FAT3: variants seen among roughly 807,000 people sequenced by gnomAD.
FAT3 encodes FAT atypical cadherin 3, also known as protocadherin Fat 3.
A neutral mutation model predicts 310.2 loss-of-function variants in FAT3; 95 were observed. The observed-to-expected ratio is 0.31, with a 90% CI of 0.26 to 0.36. The LOEUF is 0.36. Among genes scored for constraint, FAT3 ranks in the 10% least tolerant of loss-of-function variants. FAT3 has a pLI of 1.00. For missense variants in FAT3, 5,408 were observed against 5,715.6 expected (o/e 0.95, Z 1.74); for synonymous variants, 2,314 against 2,192.9 (o/e 1.06, Z -1.54).
chr11:92,265,021 A>T (rs1380557448), intron 1 of FAT3, among the ~76,000 whole-genome samples: 1 of 152,004 alleles, frequency 6.6e-6, no homozygotes, highest in African/African-American at 2.4e-5. Context: ...CAGTAAAGGA[A>T]AAAAAAGGTT....
chr11:92,869,211 C>T (rs759537883), intron 22 of FAT3, among the ~76,000 whole-genome samples: 1 of 152,260 alleles, frequency 6.6e-6, no homozygotes, highest in Non-Finnish European at 1.5e-5. Flanking sequence ...CAGTTCCCTT[C>T]TCACAGGCCT....
At chr11:92,570,287 C>T (rs568983761) in intron 3 of FAT3, among the ~76,000 whole-genome samples, 5 of 152,300 alleles carry the variant, frequency 3.3e-5, no homozygotes, top group African/African-American at 1.2e-4. Context: ...TTCTTGAAGA[C>T]AAGCCAGTCC....
At chr11:92,605,230 T>C (rs1400729641) in intron 3 of FAT3, among the ~76,000 whole-genome samples, 1 of 152,188 alleles carries the variant, frequency 6.6e-6, no homozygotes, top group Non-Finnish European at 1.5e-5. Context: ...ATCCTTATTG[T>C]CTCTTGTGCA....
intron 7 of FAT3, among the ~76,000 whole-genome samples, chr11:92,781,352 C>A (rs1448886989): frequency 6.6e-6 from 1 of 151,802 alleles, no homozygotes; most frequent in African/African-American, 2.4e-5. Context: ...CACCGAGCCA[C>A]CGCGCCCGGC....
intron 7 of FAT3, among the ~76,000 whole-genome samples, chr11:92,787,787 C>G (rs1023970983): frequency 1.3e-5 from 2 of 151,338 alleles, no homozygotes; most frequent in Admixed American, 1.3e-4. Context: ...TGGAATTATT[C>G]TGAGATTTTT....
intron 2 of FAT3, among the ~76,000 whole-genome samples, chr11:92,422,661 T>C (rs1950555564): frequency 6.6e-6 from 1 of 151,994 alleles, no homozygotes; most frequent in African/African-American, 2.4e-5. Flanking sequence ...AAATGTTGTG[T>C]TGGGTGTAGA....
intron 2 of FAT3, among the ~76,000 whole-genome samples, chr11:92,372,353 C>A (rs1393775626): frequency 6.6e-6 from 1 of 150,988 alleles, no homozygotes; most frequent in Non-Finnish European, 1.5e-5. Flanking sequence ...GTCTGTGGTA[C>A]AGGTTGGCCT....
At chr11:92,290,010 C>T (rs967868553) in intron 1 of FAT3, among the ~76,000 whole-genome samples, 1 of 152,010 alleles carries the variant, frequency 6.6e-6, no homozygotes, top group Non-Finnish European at 1.5e-5. Flanking sequence ...ACACACTGTC[C>T]CCTCTTGTTC....
chr11:92,855,086 C>T (rs961562671), intron 19 of FAT3, among the ~76,000 whole-genome samples: 1 of 152,172 alleles, frequency 6.6e-6, no homozygotes, highest in Non-Finnish European at 1.5e-5. Flanking sequence ...GCATTGGGCT[C>T]AATTTGCATT....
chr11:92,711,723 T>C (rs184443015), intron 4 of FAT3, among the ~76,000 whole-genome samples: 46 of 152,358 alleles, frequency 3.0e-4, no homozygotes, highest in Admixed American at 2.4e-3. Context: ...GAGTACTGCA[T>C]ATTAATTCAT....
chr11:92,880,286 G>A (rs188173804), intron 22 of FAT3, among the ~76,000 whole-genome samples: 3 of 148,100 alleles, frequency 2.0e-5, no homozygotes, highest in Admixed American at 6.8e-5. Context: ...CTCTCTGGGT[G>A]GGATTTCAGT....
Position 92,854,574 on chromosome 11 carries a change from G to A in FAT3, c.11366-2640G>A, listed in dbSNP as rs143231426. ...GGTAAAAGAAAGGGCCAAAACATGT[G>A]AATAAAAGGTAGAAGTACCCAAACG... is the stretch of plus-strand genomic sequence containing the variant. On this transcript the variant is annotated intron_variant, in intron 19 of 27. Transcript: ENST00000525166. Among the ~76,000 whole-genome samples the A allele has an allele frequency of 3.5e-3, 530 of 152,364 alleles. 2 individuals carry two copies. Among genetic ancestry groups the A allele is most frequent in the African/African-American group, 0.012 (508 of 41,592 alleles).
intron 3 of FAT3, among the ~76,000 whole-genome samples, chr11:92,540,660 G>A (rs951522186): frequency 6.6e-6 from 1 of 152,126 alleles, no homozygotes; most frequent in Non-Finnish European, 1.5e-5. Context: ...TAGTGTTCAT[G>A]CAAGTTGTTC....
At chr11:92,339,889 G>A (rs187582092) in intron 1 of FAT3, among the ~76,000 whole-genome samples, 10 of 152,204 alleles carry the variant, frequency 6.6e-5, no homozygotes, top group African/African-American at 2.4e-4. Flanking sequence ...CAAGATGGGC[G>A]ATCACGAGGT....
intron 1 of FAT3, among the ~76,000 whole-genome samples, chr11:92,341,463 G>A (rs1388409387): frequency 6.6e-6 from 1 of 152,126 alleles, no homozygotes; most frequent in Non-Finnish European, 1.5e-5. Context: ...ACCTTAATGG[G>A]GAATACGGGA....
rs80046666 is a variant in FAT3, at chr11:92,800,088, C to G, written c.7075C>G (p.His2359Asp). Residue 2359 changes from histidine (H) to aspartate (D), a missense_variant, in exon 10 of 28, where the codon CAC (histidine) becomes GAC (aspartate). By Grantham distance (81) the His-to-Asp change is moderately conservative. Coordinates refer to ENST00000525166, the MANE Select transcript of FAT3 (RefSeq NM_001367949.2). ...ARMLDHELVQ[H>D]CTLKVRSIDS... ...AATGCTGGACCATGAGTTAGTACAA[C>G]ACTGCACTTTGAAAGTCAGATCAAT... The G allele has an allele frequency of 6.8e-6, 11 of 1,613,976 alleles. No individual in the cohort carries two copies. The highest frequency in any genetic ancestry group is 9.3e-6 in the Non-Finnish European group (11 of 1,179,876).
intron 3 of FAT3, among the ~76,000 whole-genome samples, chr11:92,644,581 T>G (rs1470629897): frequency 6.6e-6 from 1 of 152,204 alleles, no homozygotes; most frequent in African/African-American, 2.4e-5. Context: ...GAGATAGACT[T>G]TTATGAATTT....
At chr11:92,245,172 T>C (rs544094831) in intron 1 of FAT3, among the ~76,000 whole-genome samples, 10 of 152,154 alleles carry the variant, frequency 6.6e-5, no homozygotes, top group Admixed American at 6.5e-4. Context: ...AAAAAAAGGA[T>C]GAGTTCATGT....
intron 1 of FAT3, among the ~76,000 whole-genome samples, chr11:92,309,408 ACACACACACAC>A (rs1947233731): frequency 6.8e-6 from 1 of 147,442 alleles, no homozygotes; most frequent in African/African-American, 2.6e-5. Flanking sequence ...ACACACACAC[ACACACACACAC>A]TTTTCTCCTA....
Sources: allele counts gnomAD v4.1 joint callset (sites outside exome capture counted in the v4.1 genomes callset), GRCh38; gene constraint gnomAD v4.1.1; transcripts MANE v1.5; gene names NCBI Gene and HGNC (gene_info 2026-07-23, HGNC 2026-07-21).